Variants in PHEX observed in about 807,000 individuals in gnomAD.
PHEX encodes phosphate regulating endopeptidase X-linked, also known as phosphate-regulating neutral endopeptidase PHEX.
Under a neutral mutation model 68.0 loss-of-function variants are expected in PHEX, and 16 were observed. The observed-to-expected ratio is 0.24, with a 90% CI of 0.16 to 0.36. PHEX has a LOEUF of 0.36. PHEX is among the 10% of genes least tolerant of loss of function. The pLI, the probability that PHEX is intolerant of heterozygous loss-of-function variation, is 1.00. For missense variants in PHEX, 480 were observed against 575.5 expected, an observed-to-expected ratio of 0.83 and a Z score of 1.70; for synonymous variants, 208 against 205.1, an observed-to-expected ratio of 1.01 and a Z score of -0.12.
chrX:22,041,261 CTCTCTATATATATATATATATATAT>C (rs1927267139), intron 2 of PHEX, among the ~76,000 whole-genome samples: 1 of 65,516 alleles, frequency 1.5e-5, no homozygotes, highest in Admixed American at 1.9e-4. Flanking sequence ...CTCTCTCTCT[CTCTCTATATATATATATATATATAT>C]ATATATATAT....
chrX:22,109,399 ATCT>A (rs1930855206), intron 9 of PHEX, among the ~76,000 whole-genome samples: 1 of 112,401 alleles, frequency 8.9e-6, no homozygotes, highest in Admixed American at 9.4e-5. Context: ...ATTTTACCTC[ATCT>A]TTTGAAATTT....
chrX:22,095,629 T>C (rs1930103188), intron 7 of PHEX, among the ~76,000 whole-genome samples: 1 of 111,824 alleles, frequency 8.9e-6, no homozygotes, highest in Non-Finnish European at 1.9e-5. Context: ...GCCAGGAGGC[T>C]GTTTGTAAGT....
chrX:22,111,513 C>T lies in PHEX; in HGVS notation c.1126C>T (p.Pro376Ser). The T allele has an allele frequency of 8.3e-7, 1 of 1,210,421 alleles. No homozygotes were observed. The highest frequency in any genetic ancestry group is 1.1e-6 in the Non-Finnish European group (1 of 894,129). ...LVWRMVYSRIPNLSRRFQYRW... is the reference protein window; with the variant it reads ...LVWRMVYSRISNLSRRFQYRW... ...GTGGAGAATGGTTTATTCCAGAATT[C>T]CAAACCTTAGCAGGCGCTTTCAGTA... The change falls in exon 10 of 22, where the codon CCA becomes TCA. Residue 376 changes from proline (P) to serine (S), a missense_variant. Physicochemically the swap from Pro to Ser is moderately conservative, Grantham distance 74 (BLOSUM62 -1). Coordinates refer to ENST00000379374, the MANE Select transcript of PHEX (RefSeq NM_000444.6).
At chrX:22,225,088 G>A (rs761131934) in intron 18 of PHEX, among the ~76,000 whole-genome samples, 17 of 37,517 alleles carry the variant, frequency 4.5e-4, no homozygotes, top group East Asian at 2.1e-3. Context: ...CTGTTTCCTC[G>A]CCTTTTCTAG....
At position 22,248,959 on chromosome X, in the gene PHEX, G is replaced by A. The variant is rs1194333189; in HGVS notation, c.*1006G>A. 1 of 110,490 alleles carries A rather than the reference G, an allele frequency of 9.1e-6. No homozygotes were observed. The highest frequency in any genetic ancestry group is 1.9e-5 in the Non-Finnish European group (1 of 52,861). 9.1% of individuals were successfully genotyped at this position (110,490 alleles called of 1,213,427 possible). A position where few individuals can be genotyped will look rare whatever the true frequency, so the allele number is the denominator to read the frequency against. ...AGTGCAAAGGAACAAACATCACATTGAGGAGGGAGAAGTGTACCCTTCTTT... is the reference window on the plus strand; with the variant it reads ...AGTGCAAAGGAACAAACATCACATTAAGGAGGGAGAAGTGTACCCTTCTTT... On this transcript the variant is annotated 3_prime_UTR_variant, in exon 22 of 22. Coordinates refer to ENST00000379374, the MANE Select transcript of PHEX (RefSeq NM_000444.6).
intron 12 of PHEX, among the ~76,000 whole-genome samples, chrX:22,159,812 T>C (rs1933058397): frequency 8.9e-6 from 1 of 112,181 alleles, no homozygotes; most frequent in African/African-American, 3.2e-5. Context: ...CATAATTCCT[T>C]TATTATCTGA....
intron 3 of PHEX, among the ~76,000 whole-genome samples, chrX:22,073,801 G>A (rs1232050495): frequency 2.8e-5 from 3 of 108,971 alleles, no homozygotes; most frequent in East Asian, 2.9e-4. Flanking sequence ...CACCATACCC[G>A]GCTAATTTTT....
At chrX:22,238,375 C>G (rs1936058575) in intron 20 of PHEX, among the ~76,000 whole-genome samples, 1 of 111,617 alleles carries the variant, frequency 9.0e-6, no homozygotes. Context: ...CCATGAGAGA[C>G]TTTACCAGGA....
At chrX:22,179,679 T>C (rs1191195218) in intron 14 of PHEX, among the ~76,000 whole-genome samples, 6 of 112,044 alleles carry the variant, frequency 5.4e-5, no homozygotes, top group Non-Finnish European at 1.1e-4. Context: ...GCTGACAACT[T>C]CGGAATTTCC....
At chrX:22,234,538 A>T (rs1449415126) in intron 20 of PHEX, among the ~76,000 whole-genome samples, 1 of 110,543 alleles carries the variant, frequency 9.0e-6, no homozygotes, top group Non-Finnish European at 1.9e-5. Flanking sequence ...TCCCAGTTCA[A>T]ACTTCCTGGT....
intron 12 of PHEX, among the ~76,000 whole-genome samples, chrX:22,148,645 C>T (rs1229039104): frequency 1.8e-5 from 2 of 111,018 alleles, no homozygotes; most frequent in Admixed American, 9.7e-5. Flanking sequence ...TATCTCTCCC[C>T]CTCCCTCCAG....
chrX:22,153,994 G>A (rs983875409), intron 12 of PHEX, among the ~76,000 whole-genome samples: 3 of 111,670 alleles, frequency 2.7e-5, no homozygotes, highest in African/African-American at 6.5e-5. Flanking sequence ...CAGCTGCAAA[G>A]CATTTTCCAA....
At chrX:22,226,568 G>A in intron 19 of PHEX, 60 bp downstream of exon 19, 5 of 862,336 alleles carry the variant, frequency 5.8e-6, no homozygotes, top group Non-Finnish European at 8.7e-6. Flanking sequence ...CCATATGGGG[G>A]TACCTCAATT....
intron 14 of PHEX, among the ~76,000 whole-genome samples, chrX:22,179,185 G>A (rs1933803465): frequency 9.1e-6 from 1 of 109,298 alleles, no homozygotes; most frequent in Admixed American, 9.8e-5. Context: ...TGATTCCTGG[G>A]ACTGGATTCT....
At chrX:22,246,249 A>G in intron 21 of PHEX, among the ~76,000 whole-genome samples, 1 of 112,047 alleles carries the variant, frequency 8.9e-6, no homozygotes, top group Non-Finnish European at 1.9e-5. Context: ...CCGGAAAGAT[A>G]AGTATGATGA....
At chrX:22,123,926 G>C (rs1476722325) in intron 11 of PHEX, among the ~76,000 whole-genome samples, 1 of 108,128 alleles carries the variant, frequency 9.2e-6, no homozygotes, top group Non-Finnish European at 1.9e-5. Context: ...CTGCCTCCCG[G>C]GTTCACGCCA....
At chrX:22,114,889 G>A (rs1931165421) in intron 11 of PHEX, among the ~76,000 whole-genome samples, 1 of 111,299 alleles carries the variant, frequency 9.0e-6, no homozygotes, top group African/African-American at 3.3e-5. Context: ...ATGTAGGTGA[G>A]GTTTGAGGTA....
intron 12 of PHEX, among the ~76,000 whole-genome samples, chrX:22,145,942 T>C (rs1932676975): frequency 8.9e-6 from 1 of 112,218 alleles, no homozygotes; most frequent in South Asian, 3.7e-4. Context: ...AATAGTTTTC[T>C]TTTTAGTATC....
chrX:22,195,406 C>T (rs1313756304), intron 15 of PHEX, among the ~76,000 whole-genome samples: 1 of 110,079 alleles, frequency 9.1e-6, no homozygotes, highest in Non-Finnish European at 1.9e-5. Flanking sequence ...CCAGCCTGGC[C>T]GACGTGGTGA....
Sources: allele counts gnomAD v4.1 joint callset (sites outside exome capture counted in the v4.1 genomes callset), GRCh38; gene constraint gnomAD v4.1.1; transcripts MANE v1.5; gene names NCBI Gene and HGNC (gene_info 2026-07-23, HGNC 2026-07-21).